The following CHODL variants were observed in gnomAD, a reference collection of about 807,000 sequenced individuals.
The protein encoded by CHODL is transmembrane protein MT75.
In CHODL, 29 loss-of-function variants were observed where a neutral mutation model predicts 34.5. That is an observed-to-expected ratio of 0.84 (90% CI 0.63 to 1.15). CHODL has a LOEUF of 1.15. Among genes scored for constraint, CHODL ranks in the 50% most tolerant of loss-of-function variants. The pLI is 0.00. For missense variants in CHODL, 332 were observed against 332.5 expected (o/e 1.00, Z 0.01); for synonymous variants, 125 against 116.1 (o/e 1.08, Z -0.49).
intron 1 of CHODL, among the ~76,000 whole-genome samples, chr21:18,019,272 G>C (rs1286300275): frequency 6.6e-6 from 1 of 152,120 alleles, no homozygotes; most frequent in African/African-American, 2.4e-5. Flanking sequence ...GTGTGCTATG[G>C]AAAGACCTAT....
rs1330136957 is a variant in CHODL, at chr21:18,256,979, C to T, written c.399C>T (p.Tyr133=). ...TACTCTCTGTTTGCAGAAACTGGTACACAGATGAACCTTCCTGCGGAAGTG... is the reference window on the plus strand; with the variant it reads ...TACTCTCTGTTTGCAGAAACTGGTATACAGATGAACCTTCCTGCGGAAGTG... ...DGSNSQYRNW[Y]TDEPSCGSEK... Residue 133 remains tyrosine, a synonymous_variant, in exon 3 of 6, where the codon TAC becomes TAT. Transcript: ENST00000299295. 6.2e-7 allele frequency: 1 copy of T among 1,612,418 alleles called. No individual in the cohort carries two copies. Among genetic ancestry groups the T allele is most frequent in the Non-Finnish European group, 8.5e-7 (1 of 1,179,264 alleles).
chr21:18,060,447 C>G (rs113723331), intron 2 of CHODL, among the ~76,000 whole-genome samples: 1 of 144,636 alleles, frequency 6.9e-6, no homozygotes, highest in Non-Finnish European at 1.5e-5. Flanking sequence ...GAGACTCTGT[C>G]TCAAATAAAT....
intron 2 of CHODL, among the ~76,000 whole-genome samples, chr21:18,068,016 A>G (rs905094400): frequency 6.6e-6 from 1 of 151,700 alleles, no homozygotes; most frequent in Non-Finnish European, 1.5e-5. Context: ...TTCTCTTTTC[A>G]TCTAAATACT....
intron 2 of CHODL, among the ~76,000 whole-genome samples, chr21:18,052,901 T>C (rs1444866219): frequency 6.6e-6 from 1 of 151,936 alleles, no homozygotes. Context: ...ATGTTTTAGA[T>C]CCCCACAAAT....
At chr21:18,050,340 T>A (rs1054234923) in intron 2 of CHODL, among the ~76,000 whole-genome samples, 1 of 151,928 alleles carries the variant, frequency 6.6e-6, no homozygotes, top group African/African-American at 2.4e-5. Flanking sequence ...TGGGTATTAT[T>A]TGAATTGCAT....
At chr21:18,232,090 T>C (rs538685177) in intron 2 of CHODL, among the ~76,000 whole-genome samples, 1 of 152,172 alleles carries the variant, frequency 6.6e-6, no homozygotes, top group East Asian at 1.9e-4. Context: ...TCAACATTTC[T>C]ACCATTAATT....
At position 18,245,375 on chromosome 21, in the gene CHODL, T is replaced by C; in HGVS notation, c.79+73T>C. Reference sequence around the variant, plus strand: ...ACGGGGCGCGGCGGGCAGCCTGTTCTCGGGCGGAGGCTCTCCGGGGCGTTG... The same window carrying C: ...ACGGGGCGCGGCGGGCAGCCTGTTCCCGGGCGGAGGCTCTCCGGGGCGTTG... On this transcript the variant is annotated intron_variant, in intron 1 of 5. Transcript: ENST00000299295. 6 of 1,311,810 alleles carry C rather than the reference T, an allele frequency of 4.6e-6. 1 individual carries two copies. In the South Asian group the frequency reaches 7.3e-5, roughly 16 times the overall value. 81.3% of individuals were successfully genotyped at this position (1,311,810 alleles called of 1,614,324 possible). A position where few individuals can be genotyped will look rare whatever the true frequency, so the allele number is the denominator to read the frequency against.
chr21:18,241,871 T>C (rs553161900), upstream of CHODL, among the ~76,000 whole-genome samples: 11 of 152,324 alleles, frequency 7.2e-5, no homozygotes, highest in East Asian at 1.7e-3. Context: ...ATTCCTGAAA[T>C]TCCTTTGTGG....
intron 2 of CHODL, among the ~76,000 whole-genome samples, chr21:18,186,990 C>T (rs889903646): frequency 1.3e-5 from 2 of 152,062 alleles, no homozygotes; most frequent in African/African-American, 2.4e-5. Flanking sequence ...GAAAAGTTTT[C>T]AATCTGTTGA....
intron 1 of CHODL, among the ~76,000 whole-genome samples, chr21:18,003,131 A>C (rs1160510398): frequency 5.4e-5 from 7 of 128,846 alleles, no homozygotes; most frequent in South Asian, 2.4e-4. Flanking sequence ...CAAAAAAAAA[A>C]AAAACAAAAA....
chr21:18,174,844 T>A (rs996370222), intron 2 of CHODL, among the ~76,000 whole-genome samples: 1 of 152,178 alleles, frequency 6.6e-6, no homozygotes, highest in South Asian at 2.1e-4. Context: ...AATAGTAAGA[T>A]AGATGCCTAG....
At chr21:18,140,904 T>G (rs1010834283) in intron 2 of CHODL, among the ~76,000 whole-genome samples, 3 of 151,104 alleles carry the variant, frequency 2.0e-5, no homozygotes, top group Non-Finnish European at 3.0e-5. Context: ...ACGTGTATTG[T>G]TTTTTTTTCC....
At position 18,153,640 on chromosome 21, in the gene CHODL, A is replaced by T. The variant is rs557490490; in HGVS notation, c.-44-102869A>T. Among the ~76,000 whole-genome samples the T allele has an allele frequency of 3.9e-5, 6 of 152,276 alleles. No homozygotes were observed. In the South Asian group the frequency reaches 6.2e-4, roughly 16 times the overall value. On this transcript the variant is annotated intron_variant, in intron 2 of 6. Coordinates refer to the CHODL transcript ENST00000400127. ...CATCAAACTAAGCCACCCCCAAAAT[A>T]TGCCACTTTGGCATAAGGATTATTT... is the stretch of plus-strand genomic sequence containing the variant.
At chr21:17,995,900 G>A (rs898289510) in intron 1 of CHODL, among the ~76,000 whole-genome samples, 1 of 152,216 alleles carries the variant, frequency 6.6e-6, no homozygotes, top group Non-Finnish European at 1.5e-5. Context: ...CAGGTGAGAT[G>A]AAAGTATCTC....
intron 2 of CHODL, among the ~76,000 whole-genome samples, chr21:18,128,296 C>CAAAAAAAAAAAAAA (rs71189585): frequency 1.1e-4 from 3 of 28,058 alleles, no homozygotes; most frequent in Non-Finnish European, 1.9e-4. Flanking sequence ...GCAAGAGTCT[C>CAAAAAAAAAAAAAA]AAAAAAAAAA....
At chr21:18,118,806 C>A (rs73312422) in intron 2 of CHODL, among the ~76,000 whole-genome samples, 5,185 of 152,228 alleles carry the variant, frequency 0.034, 193 homozygotes, top group African/African-American at 0.087. Flanking sequence ...AGGGCAGTTA[C>A]CATACTTTAA....
upstream of CHODL, among the ~76,000 whole-genome samples, chr21:18,240,565 A>T (rs2146770221): frequency 6.6e-6 from 1 of 152,244 alleles, no homozygotes; most frequent in East Asian, 1.9e-4. Flanking sequence ...GGCAAAGATG[A>T]CTTTAGCTTA....
chr21:18,239,535 T>A (rs1438230079), intron 2 of CHODL, among the ~76,000 whole-genome samples: 1 of 152,110 alleles, frequency 6.6e-6, no homozygotes, highest in Admixed American at 6.6e-5. Context: ...TGTTTCCTAG[T>A]CATTTGATAT....
At chr21:18,179,556 A>G (rs557758535) in intron 2 of CHODL, among the ~76,000 whole-genome samples, 19 of 152,270 alleles carry the variant, frequency 1.2e-4, no homozygotes, top group Admixed American at 1.1e-3. Context: ...TAGTCAAAGA[A>G]CAGCTTTTGG....
Sources: gnomAD v4.1 joint callset for allele counts (sites outside exome capture counted in the v4.1 genomes callset) on GRCh38, gnomAD v4.1.1 for gene constraint, MANE v1.5 for transcripts, NCBI Gene and HGNC (gene_info 2026-07-23, HGNC 2026-07-21) for gene names.